The following DIP2C variants were observed in gnomAD, a reference collection of about 807,000 sequenced individuals.
DIP2C encodes DIP2 acetate--CoA ligase C (putative), also known as disco-interacting protein 2 homolog C.
Under a neutral mutation model 192.4 loss-of-function variants are expected in DIP2C, and 33 were observed. That is an observed-to-expected ratio of 0.17 (90% CI 0.13 to 0.23). DIP2C has a LOEUF of 0.23. Ranked by LOEUF, DIP2C falls within the 10% of genes least tolerant of loss-of-function variation. The probability of loss-of-function intolerance (pLI) is 1.00; values close to 1 mark genes in which losing one functional copy is unlikely to be tolerated. For synonymous variants in DIP2C, 979 were observed against 864.1 expected, an observed-to-expected ratio of 1.13 and a Z score of -2.33; for missense variants, 1,537 against 2,110.1, an observed-to-expected ratio of 0.73 and a Z score of 5.32.
intron 14 of DIP2C, among the ~76,000 whole-genome samples, chr10:385,727 G>A (rs1004187817): frequency 6.6e-6 from 1 of 152,206 alleles, no homozygotes; most frequent in African/African-American, 2.4e-5. Context: ...CACCGCAGCA[G>A]TCAGACCAGG....
intron 1 of DIP2C, among the ~76,000 whole-genome samples, chr10:578,421 T>A (rs1433416246): frequency 6.6e-6 from 1 of 152,206 alleles, no homozygotes; most frequent in Non-Finnish European, 1.5e-5. Context: ...AGCTGCTATA[T>A]TAGTTCTACC....
At chr10:548,260 G>C (rs1848404631) in intron 1 of DIP2C, among the ~76,000 whole-genome samples, 1 of 142,070 alleles carries the variant, frequency 7.0e-6, no homozygotes, top group African/African-American at 2.6e-5. Flanking sequence ...GCCCCCAGGT[G>C]GGTAAGGAGA....
At chr10:277,680 C>G in intron 36 of DIP2C, 103 bp from the exon 37 acceptor site, 1 of 1,474,966 alleles carries the variant, frequency 6.8e-7, no homozygotes, top group Non-Finnish European at 9.1e-7. Flanking sequence ...TGCCTGAGCA[C>G]TGCCCGACAG....
intron 1 of DIP2C, among the ~76,000 whole-genome samples, chr10:678,002 G>A (rs1326585084): frequency 6.6e-6 from 1 of 152,256 alleles, no homozygotes; most frequent in African/African-American, 2.4e-5. Flanking sequence ...CCCCGCTGCA[G>A]AGCATAGCCC....
intron 7 of DIP2C, 68 bp from the exon 8 acceptor site, chr10:414,178 T>C: frequency 6.7e-7 from 1 of 1,495,518 alleles, no homozygotes; most frequent in South Asian, 1.3e-5. Context: ...CTTTTTATTC[T>C]TTATAAAGAA....
intron 32 of DIP2C, among the ~76,000 whole-genome samples, chr10:295,190 G>A (rs924244077): frequency 6.6e-6 from 1 of 152,002 alleles, no homozygotes; most frequent in African/African-American, 2.4e-5. Context: ...CAGCAAGGAC[G>A]GCTCAGCTGC....
At chr10:300,677 T>G (rs1411904194) in intron 32 of DIP2C, among the ~76,000 whole-genome samples, 2 of 135,382 alleles carry the variant, frequency 1.5e-5, no homozygotes, top group Non-Finnish European at 3.2e-5. Context: ...GCCCTGAGCG[T>G]GTGGAGAAGC....
chr10:500,301 A>G (rs1845133574), intron 1 of DIP2C, among the ~76,000 whole-genome samples: 2 of 152,266 alleles, frequency 1.3e-5, no homozygotes, highest in Non-Finnish European at 2.9e-5. Flanking sequence ...TGAGACCTGC[A>G]GCCACCAGCC....
intron 24 of DIP2C, among the ~76,000 whole-genome samples, chr10:350,868 G>A (rs979908164): frequency 3.3e-5 from 5 of 152,112 alleles, no homozygotes; most frequent in Non-Finnish European, 7.3e-5. Context: ...GGATGGTCTT[G>A]AACTCCTGAC....
intron 1 of DIP2C, among the ~76,000 whole-genome samples, chr10:602,621 G>A (rs376154839): frequency 1.3e-5 from 2 of 152,122 alleles, no homozygotes; most frequent in Admixed American, 6.5e-5. Context: ...CCTTGACCTC[G>A]GACTTCCCAG....
At chr10:362,919 T>C (rs544801241) in intron 21 of DIP2C, among the ~76,000 whole-genome samples, 60 of 152,280 alleles carry the variant, frequency 3.9e-4, no homozygotes, top group African/African-American at 1.3e-3. Context: ...AAAGGAACTT[T>C]GGAGAAAAGA....
At chr10:279,227 T>G (rs1954682392) in intron 36 of DIP2C, among the ~76,000 whole-genome samples, 1 of 152,254 alleles carries the variant, frequency 6.6e-6, no homozygotes, top group South Asian at 2.1e-4. Context: ...CCTGGTGATG[T>G]TAAAATGTTG....
rs138725678 is a variant in DIP2C, at chr10:590,976, G to C, written c.85+98518C>G. Among the ~76,000 whole-genome samples the C allele has an allele frequency of 3.4e-3, 513 of 152,300 alleles. 4 individuals are homozygous for C. Among genetic ancestry groups the C allele is most frequent in the African/African-American group, 0.012 (489 of 41,570 alleles). ...ACCAGGTTCTTCTGCCGGTGGCAAG[G>C]CCCAAGCTGGGTGGCACATTGGTTC... On this transcript the variant is annotated intron_variant, in intron 1 of 36. Coordinates refer to ENST00000280886, the MANE Select transcript of DIP2C (RefSeq NM_014974.3).
chr10:382,569 T>C (rs750785484), intron 17 of DIP2C, 78 bp downstream of exon 17: 1 of 1,156,044 alleles, frequency 8.7e-7, no homozygotes, highest in Non-Finnish European at 1.3e-6. Context: ...CATCAACTGT[T>C]AGGATTTCCT....
intron 32 of DIP2C, among the ~76,000 whole-genome samples, chr10:308,325 T>C (rs1023567875): frequency 2.0e-5 from 3 of 151,658 alleles, no homozygotes; most frequent in African/African-American, 7.3e-5. Context: ...GAAAGTGAAC[T>C]GCACCGCCAG....
At chr10:623,955 A>G (rs1340347729) in intron 1 of DIP2C, among the ~76,000 whole-genome samples, 1 of 152,238 alleles carries the variant, frequency 6.6e-6, no homozygotes, top group African/African-American at 2.4e-5. Context: ...ATTCCTTCTG[A>G]GTTTTCATCT....
At chr10:458,894 T>G (rs1969524668) in intron 3 of DIP2C, among the ~76,000 whole-genome samples, 1 of 151,070 alleles carries the variant, frequency 6.6e-6, no homozygotes, top group Non-Finnish European at 1.5e-5. Flanking sequence ...AGAACACAAG[T>G]CTATTTCCAA....
intron 3 of DIP2C, among the ~76,000 whole-genome samples, chr10:470,256 G>C (rs1246289271): frequency 6.6e-6 from 1 of 152,210 alleles, no homozygotes; most frequent in Admixed American, 6.5e-5. Context: ...GGGAACGGGA[G>C]AGATTGTGTG....
intron 1 of DIP2C, chr10:650,422 C>T: frequency 1.4e-6 from 1 of 713,298 alleles, no homozygotes. Flanking sequence ...AGAACGCAGG[C>T]CGACAACATC....
Sources: gnomAD v4.1 joint callset for allele counts (sites outside exome capture counted in the v4.1 genomes callset) on GRCh38, gnomAD v4.1.1 for gene constraint, MANE v1.5 for transcripts, NCBI Gene and HGNC (gene_info 2026-07-23, HGNC 2026-07-21) for gene names.